Variants in SOS2 observed in about 807,000 individuals in gnomAD.
SOS2 encodes the protein son of sevenless homolog 2.
SOS2 carries 65 observed loss-of-function variants against 148.2 expected under a neutral mutation model. The observed-to-expected ratio is 0.44, with a 90% CI of 0.36 to 0.54. The LOEUF (loss-of-function observed/expected upper bound fraction) is 0.54. Among genes scored for constraint, SOS2 ranks in the 20% least tolerant of loss-of-function variants. The pLI, the probability that SOS2 is intolerant of heterozygous loss-of-function variation, is 0.00. For missense variants in SOS2, 1,341 were observed against 1,590.2 expected, an observed-to-expected ratio of 0.84 and a Z score of 2.67; for synonymous variants, 539 against 537.1, an observed-to-expected ratio of 1.00 and a Z score of -0.05.
chr14:50,167,457 C>G lies in SOS2; in HGVS notation c.1069-5848G>C, dbSNP rs116396171. Among the ~76,000 whole-genome samples the G allele has an allele frequency of 7.0e-3, 1,071 of 152,146 alleles. 15 individuals are homozygous for G. The highest frequency in any genetic ancestry group is 0.024 in the African/African-American group (1,011 of 41,494). ...AGCTGAGATGGGAGGATTGATTGAGCCTGGGAAGTCAAGGCTGCAGTAAGC... is the reference window on the plus strand; with the variant it reads ...AGCTGAGATGGGAGGATTGATTGAGGCTGGGAAGTCAAGGCTGCAGTAAGC... On this transcript the variant is annotated intron_variant, in intron 8 of 22. Transcript: ENST00000216373.
intron 14 of SOS2, among the ~76,000 whole-genome samples, chr14:50,148,132 C>T (rs899612893): frequency 1.3e-5 from 2 of 152,136 alleles, no homozygotes; most frequent in African/African-American, 2.4e-5. Context: ...GTTTACAAAG[C>T]TGGGTGCAGT....
chr14:50,175,539 G>T (rs1163299951), intron 7 of SOS2, among the ~76,000 whole-genome samples: 1 of 150,324 alleles, frequency 6.7e-6, no homozygotes, highest in Non-Finnish European at 1.5e-5. Flanking sequence ...AAGAGACTTT[G>T]GAAAAGACAA....
At chr14:50,203,643 T>G (rs1173682938) in intron 2 of SOS2, among the ~76,000 whole-genome samples, 1 of 151,996 alleles carries the variant, frequency 6.6e-6, no homozygotes, top group Non-Finnish European at 1.5e-5. Flanking sequence ...TTTAAATCAC[T>G]GAGCAAATGT....
chr14:50,150,442 T>G (rs1467624408), intron 13 of SOS2, among the ~76,000 whole-genome samples: 2 of 152,220 alleles, frequency 1.3e-5, no homozygotes, highest in African/African-American at 2.4e-5. Context: ...TAAGCACCTT[T>G]AAAACACTCT....
At chr14:50,216,602 T>C (rs577259912) in intron 1 of SOS2, among the ~76,000 whole-genome samples, 1 of 151,374 alleles carries the variant, frequency 6.6e-6, no homozygotes, top group Non-Finnish European at 1.5e-5. Flanking sequence ...GTACTAAAAG[T>C]ACAAAAATTA....
intron 22 of SOS2, among the ~76,000 whole-genome samples, chr14:50,119,516 C>CT (rs1185765715): frequency 2.0e-5 from 3 of 152,088 alleles, no homozygotes; most frequent in Non-Finnish European, 4.4e-5. Flanking sequence ...CTTCCAGCCT[C>CT]TTTTTTATTT....
At chr14:50,139,906 C>T (rs771862929) in intron 17 of SOS2, 36 bp downstream of exon 17, 3 of 1,050,376 alleles carry the variant, frequency 2.9e-6, no homozygotes, top group African/African-American at 1.6e-5. Context: ...CTATCACACG[C>T]TCACCCTCAA....
chr14:50,207,338 C>T (rs1247764403), intron 1 of SOS2, among the ~76,000 whole-genome samples: 2 of 151,372 alleles, frequency 1.3e-5, no homozygotes, highest in Non-Finnish European at 2.9e-5. Context: ...CATGGCAAGA[C>T]CTCATCTCTC....
chr14:50,176,604 C>T (rs1485429046), intron 7 of SOS2, among the ~76,000 whole-genome samples: 2 of 152,194 alleles, frequency 1.3e-5, no homozygotes, highest in Non-Finnish European at 2.9e-5. Context: ...TTTATATATA[C>T]ATTACCATTT....
chr14:50,225,723 C>A (rs1887351718), intron 1 of SOS2, among the ~76,000 whole-genome samples: 1 of 152,164 alleles, frequency 6.6e-6, no homozygotes, highest in Non-Finnish European at 1.5e-5. Context: ...ACAAAAATCA[C>A]AGGATCTCTT....
At chr14:50,166,871 T>C (rs1484400237) in intron 8 of SOS2, among the ~76,000 whole-genome samples, 9 of 152,182 alleles carry the variant, frequency 5.9e-5, no homozygotes, top group South Asian at 2.1e-4. Flanking sequence ...TAGATTTTCA[T>C]AAGAGTGGAG....
In SOS2 at chr14:50,159,882, G is replaced by C. The variant is rs778274098; in HGVS notation, c.1401C>G (p.Ile467Met). ...TCTGGCCATGATTAGGTTTACAACT[G>C]ATCATTAAGCCATCAAACAGAAAAA... ...RHIFLFDGLMISCKPNHGQTR... is the reference protein window; with the variant it reads ...RHIFLFDGLMMSCKPNHGQTR... Residue 467 changes from isoleucine (I) to methionine (M), a missense_variant, in exon 10 of 23, where the codon ATC (isoleucine) becomes ATG (methionine). Coordinates refer to ENST00000216373, the MANE Select transcript of SOS2 (RefSeq NM_006939.4). 2 of 1,613,868 alleles carry C rather than the reference G, an allele frequency of 1.2e-6. No homozygotes were observed. The highest frequency in any genetic ancestry group is 8.5e-7 in the Non-Finnish European group (1 of 1,179,820).
At chr14:50,131,301 T>G (rs1207947035) in intron 19 of SOS2, among the ~76,000 whole-genome samples, 1 of 152,156 alleles carries the variant, frequency 6.6e-6, no homozygotes, top group African/African-American at 2.4e-5. Context: ...AACACAGAAC[T>G]CAGATCAGAA....
In SOS2 at chr14:50,118,856, C is replaced by CAAA. The variant is rs10658395; in HGVS notation, c.3490-6_3490-4dup. 2.7e-4 allele frequency: 321 copies of CAAA among 1,178,570 alleles called. No homozygotes were observed. The highest frequency in any genetic ancestry group is 3.2e-4 in the Non-Finnish European group (290 of 900,008). The allele number at this position is 1,178,570 out of a possible 1,614,324, so 73.0% of individuals were successfully genotyped here. Reference sequence around the variant, plus strand: ...TCATCATCAGATTTCATATTTCCCTCAAAAAAAAAAGTAATTAAATTATAC... The same window carrying CAAA: ...TCATCATCAGATTTCATATTTCCCTCAAAAAAAAAAAAAGTAATTAAATTATAC... On this transcript the variant is annotated splice_polypyrimidine_tract_variant and splice_region_variant and intron_variant, in intron 22 of 22. Transcript: ENST00000216373.
At chr14:50,229,690 T>G (rs1887483122) in intron 1 of SOS2, among the ~76,000 whole-genome samples, 1 of 152,180 alleles carries the variant, frequency 6.6e-6, no homozygotes, top group African/African-American at 2.4e-5. Context: ...CATAAAGGAT[T>G]ATTAGAATCA....
Position 50,188,682 on chromosome 14 carries a change from C to A in SOS2, c.529G>T (p.Asp177Tyr). The A allele has an allele frequency of 6.3e-7, 1 of 1,594,574 alleles. No homozygotes were observed. The highest frequency in any genetic ancestry group is 1.1e-5 in the South Asian group (1 of 87,266). The change falls in exon 5 of 23, where the codon GAT becomes TAT. Residue 177 changes from aspartate (D) to tyrosine (Y), a missense_variant. By Grantham distance (160) the Asp-to-Tyr change is radical. Coordinates refer to ENST00000216373, the MANE Select transcript of SOS2 (RefSeq NM_006939.4). ...CADKVLMDMF[D>Y]QDDIGLVSLC... ...GAAACCAAACCTATGTCATCCTGAT[C>A]AAACATGTCCATCAAAACCTGAGAA...
intron 1 of SOS2, among the ~76,000 whole-genome samples, chr14:50,206,672 A>C (rs948441174): frequency 2.2e-4 from 33 of 152,346 alleles, no homozygotes; most frequent in African/African-American, 7.9e-4. Context: ...TCTAATTTCC[A>C]TTATGGTTTC....
In SOS2 at chr14:50,231,252, A is replaced by T; in HGVS notation, c.32T>A (p.Phe11Tyr). The change falls in exon 1 of 23, where the codon TTC becomes TAC. Residue 11 changes from phenylalanine to tyrosine, a missense_variant. Physicochemically the swap from Phe to Tyr is conservative, Grantham distance 22. This residue lies in a region of SOS2 where 574 missense variants were observed against 711.1 expected (regional missense o/e 0.81). Coordinates refer to ENST00000216373, the MANE Select transcript of SOS2 (RefSeq NM_006939.4). Reference sequence around the variant, plus strand: ...CCATTTCGGACTGTTCTCCTCGCTGAAGAACTCGTAAGGCTGCGGCGCCTG... The same window carrying T: ...CCATTTCGGACTGTTCTCCTCGCTGTAGAACTCGTAAGGCTGCGGCGCCTG... MQQAPQPYEFFSEENSPKWRG... is the reference protein window; with the variant it reads MQQAPQPYEFYSEENSPKWRG... 6.7e-7 allele frequency: 1 copy of T among 1,503,502 alleles called. No individual in the cohort carries two copies. Among genetic ancestry groups the T allele is most frequent in the South Asian group, 1.3e-5 (1 of 77,346 alleles). The allele number at this position is 1,503,502 out of a possible 1,614,324, so 93.1% of individuals were successfully genotyped here.
chr14:50,199,896 TG>T, intron 3 of SOS2, 41 bp from the exon 4 acceptor site: 2 of 1,294,440 alleles, frequency 1.5e-6, no homozygotes, highest in Non-Finnish European at 2.2e-6. Flanking sequence ...AATGTAGCAC[TG>T]TCAAGTATTA....
Sources: allele counts gnomAD v4.1 joint callset (sites outside exome capture counted in the v4.1 genomes callset), GRCh38; gene constraint gnomAD v4.1.1; regional missense constraint gnomAD v4.1.1; transcripts MANE v1.5; gene names NCBI Gene and HGNC (gene_info 2026-07-23, HGNC 2026-07-21).